NKAIN2: variants seen among roughly 807,000 people sequenced by gnomAD.
NKAIN2 encodes the protein sodium/potassium-transporting ATPase subunit beta-1-interacting protein 2.
NKAIN2 carries 14 observed loss-of-function variants against 32.6 expected under a neutral mutation model. The observed-to-expected ratio is 0.43, with a 90% CI of 0.28 to 0.67. The LOEUF (loss-of-function observed/expected upper bound fraction) is 0.67, where lower values mean the gene tolerates loss of function less well. NKAIN2 is among the 30% of genes least tolerant of loss of function. NKAIN2 has a pLI of 0.17. For synonymous variants in NKAIN2, 80 were observed against 87.2 expected, an observed-to-expected ratio of 0.92 and a Z score of 0.46; for missense variants, 198 against 258.3, an observed-to-expected ratio of 0.77 and a Z score of 1.60.
At chr6:124,759,656 C>CA (rs879444854) in intron 4 of NKAIN2, among the ~76,000 whole-genome samples, 9,861 of 66,280 alleles carry the variant, frequency 0.15, 1,870 homozygotes, top group East Asian at 0.36. Context: ...CACACACACA[C>CA]CCCCTATCTC....
intron 1 of NKAIN2, among the ~76,000 whole-genome samples, chr6:124,130,853 G>A (rs1038958490): frequency 2.6e-5 from 4 of 152,060 alleles, no homozygotes; most frequent in Non-Finnish European, 4.4e-5. Flanking sequence ...TGGATATAGG[G>A]GATCCCATCT....
intron 3 of NKAIN2, among the ~76,000 whole-genome samples, chr6:124,532,623 A>T (rs955642505): frequency 6.6e-6 from 1 of 152,158 alleles, no homozygotes; most frequent in Non-Finnish European, 1.5e-5. Flanking sequence ...GGTCCCGCCT[A>T]TTTAGGCTCC....
chr6:123,995,891 A>G (rs913168187), intron 1 of NKAIN2, among the ~76,000 whole-genome samples: 2 of 152,176 alleles, frequency 1.3e-5, no homozygotes, highest in African/African-American at 4.8e-5. Flanking sequence ...TGTCATTGTT[A>G]TTATTTTAAC....
intron 3 of NKAIN2, among the ~76,000 whole-genome samples, chr6:124,440,722 C>T (rs1775652286): frequency 6.6e-6 from 1 of 152,046 alleles, no homozygotes; most frequent in South Asian, 2.1e-4. Flanking sequence ...TTCGTAGTCT[C>T]TTAGAATGAG....
At chr6:124,044,763 T>C (rs1029002896) in intron 1 of NKAIN2, among the ~76,000 whole-genome samples, 1 of 152,100 alleles carries the variant, frequency 6.6e-6, no homozygotes, top group Non-Finnish European at 1.5e-5. Flanking sequence ...TACTAACCTT[T>C]CTTCTGAGTG....
chr6:123,839,351 TCTC>T (rs1416565162), intron 1 of NKAIN2, among the ~76,000 whole-genome samples: 2 of 152,160 alleles, frequency 1.3e-5, no homozygotes, highest in East Asian at 1.9e-4. Context: ...TGACTTATAG[TCTC>T]CTCATCTGTA....
At chr6:124,633,474 A>G (rs905095383) in intron 3 of NKAIN2, among the ~76,000 whole-genome samples, 5 of 152,174 alleles carry the variant, frequency 3.3e-5, no homozygotes, top group South Asian at 2.1e-4. Context: ...TTCTTCTCCA[A>G]TTATAGCCAT....
chr6:124,763,305 G>A (rs985306191), intron 4 of NKAIN2, among the ~76,000 whole-genome samples: 2 of 152,222 alleles, frequency 1.3e-5, no homozygotes, highest in African/African-American at 4.8e-5. Flanking sequence ...AAAGAAAAGA[G>A]GTTTAATTGG....
At chr6:124,548,879 G>C (rs1417978616) in intron 3 of NKAIN2, among the ~76,000 whole-genome samples, 1 of 152,178 alleles carries the variant, frequency 6.6e-6, no homozygotes, top group Non-Finnish European at 1.5e-5. Context: ...GGTAGATTAG[G>C]ACAAAGAAGG....
chr6:124,815,287 T>C lies in NKAIN2; in HGVS notation c.536-3100T>C, dbSNP rs548715649. ...GTGTATATATATGTATATATGTATA[T>C]ATTTGAGACGGAGTTTCCCTCCTGT... On this transcript the variant is annotated intron_variant, in intron 5 of 6. Coordinates refer to ENST00000368417, the MANE Select transcript of NKAIN2 (RefSeq NM_001040214.3). 2.7e-5 allele frequency among the ~76,000 whole-genome samples: 4 copies of C among 149,412 alleles called. No individual in the cohort carries two copies. In the East Asian group the frequency reaches 7.8e-4, roughly 29 times the overall value.
At chr6:124,625,044 A>ATATC (rs965924647) in intron 3 of NKAIN2, among the ~76,000 whole-genome samples, 2 of 152,272 alleles carry the variant, frequency 1.3e-5, no homozygotes, top group South Asian at 4.1e-4. Context: ...CATCATTCAT[A>ATATC]TATCTAAAAT....
intron 1 of NKAIN2, among the ~76,000 whole-genome samples, chr6:124,186,749 A>G (rs1789761133): frequency 6.6e-6 from 1 of 152,172 alleles, no homozygotes; most frequent in Admixed American, 6.5e-5. Flanking sequence ...ATGTCCATGT[A>G]TTCATTTTAA....
intron 3 of NKAIN2, among the ~76,000 whole-genome samples, chr6:124,642,813 G>T (rs186357522): frequency 6.6e-6 from 1 of 152,064 alleles, no homozygotes; most frequent in Admixed American, 6.6e-5. Flanking sequence ...AAATGTACTT[G>T]CTTGGCATTC....
chr6:124,226,263 G>T (rs1792101695), intron 1 of NKAIN2, among the ~76,000 whole-genome samples: 2 of 151,874 alleles, frequency 1.3e-5, no homozygotes, highest in Non-Finnish European at 2.9e-5. Context: ...CTTATGCTTG[G>T]ATATATTGAT....
chr6:124,311,640 A>G (rs570339562), intron 2 of NKAIN2, among the ~76,000 whole-genome samples: 1 of 152,282 alleles, frequency 6.6e-6, no homozygotes, highest in Non-Finnish European at 1.5e-5. Flanking sequence ...CATGACCAGG[A>G]TGGAGTTAAT....
In NKAIN2 at chr6:124,198,110, C is replaced by T. The variant is rs532914027; in HGVS notation, c.55-84895C>T. On this transcript the variant is annotated intron_variant, in intron 1 of 6. Transcript: ENST00000368417. ...TTAAATAACTCTAGATATGGGCTACCTTTGCCCATAACTCCAATAACTCTA... is the reference window on the plus strand; with the variant it reads ...TTAAATAACTCTAGATATGGGCTACTTTTGCCCATAACTCCAATAACTCTA... 5.2e-4 allele frequency among the ~76,000 whole-genome samples: 79 copies of T among 152,024 alleles called. 1 individual carries two copies. The highest frequency in any genetic ancestry group is 3.4e-3 in the Middle Eastern group (1 of 294).
intron 4 of NKAIN2, among the ~76,000 whole-genome samples, chr6:124,762,961 C>T (rs1480332294): frequency 1.3e-5 from 2 of 152,138 alleles, no homozygotes; most frequent in East Asian, 1.9e-4. Context: ...AGTCAAAGTG[C>T]TCTTGATAGT....
At chr6:123,924,909 A>C (rs528538204) in intron 1 of NKAIN2, among the ~76,000 whole-genome samples, 1 of 152,226 alleles carries the variant, frequency 6.6e-6, no homozygotes, top group Non-Finnish European at 1.5e-5. Context: ...ATATACATAT[A>C]AAATATAGGC....
chr6:124,218,516 T>C (rs1369787690), intron 1 of NKAIN2, among the ~76,000 whole-genome samples: 1 of 152,192 alleles, frequency 6.6e-6, no homozygotes, highest in East Asian at 1.9e-4. Flanking sequence ...TTCATTTCCA[T>C]GCCAGGTCCC....
Sources: gnomAD v4.1 joint callset for allele counts (sites outside exome capture counted in the v4.1 genomes callset) on GRCh38, gnomAD v4.1.1 for gene constraint, MANE v1.5 for transcripts, NCBI Gene and HGNC (gene_info 2026-07-23, HGNC 2026-07-21) for gene names.